Variants in NRXN3 observed in about 807,000 individuals in gnomAD.
NRXN3 encodes neurexin 3, also known as neurexin III.
Under a neutral mutation model 137.6 loss-of-function variants are expected in NRXN3, and 32 were observed. The observed-to-expected ratio is 0.23, with a 90% CI of 0.18 to 0.31. The LOEUF (loss-of-function observed/expected upper bound fraction) is 0.31. NRXN3 is among the 10% of genes least tolerant of loss of function. The probability of loss-of-function intolerance (pLI) is 1.00; values close to 1 mark genes in which losing one functional copy is unlikely to be tolerated. For synonymous variants in NRXN3, 798 were observed against 784.5 expected (o/e 1.02, Z -0.29); for missense variants, 1,574 against 2,062.5 (o/e 0.76, Z 4.59).
At chr14:79,713,045 C>G (rs7142484) in intron 19 of NRXN3, among the ~76,000 whole-genome samples, 47,862 of 151,754 alleles carry the variant, frequency 0.32, 7,969 homozygotes, top group Middle Eastern at 0.41. Context: ...GGACTTGTAT[C>G]TTGGAAATTA....
At chr14:79,007,378 G>A (rs551833365) in intron 15 of NRXN3, among the ~76,000 whole-genome samples, 1 of 151,770 alleles carries the variant, frequency 6.6e-6, no homozygotes, top group South Asian at 2.1e-4. Context: ...TTGAAGAGAA[G>A]CCTCATGTGT....
chr14:79,811,606 G>A (rs190622997), intron 20 of NRXN3, among the ~76,000 whole-genome samples: 4 of 132,576 alleles, frequency 3.0e-5, no homozygotes, highest in East Asian at 2.2e-4. Flanking sequence ...TTTTGAGATG[G>A]AGTGTCACTC....
At chr14:79,429,868 A>G (rs1043663709) in intron 15 of NRXN3, among the ~76,000 whole-genome samples, 3 of 152,200 alleles carry the variant, frequency 2.0e-5, no homozygotes, top group South Asian at 2.1e-4. Context: ...CTTGTATACA[A>G]TATCTTTGGA....
At position 79,718,394 on chromosome 14, in the gene NRXN3, G is replaced by C. The variant is rs947025807; in HGVS notation, c.4014+20457G>C. On this transcript the variant is annotated intron_variant, in intron 19 of 20. Coordinates refer to ENST00000335750, the MANE Select transcript of NRXN3 (RefSeq NM_001330195.2). ...AACAGACAGGGCCTGTTTGGCTGTG[G>C]AAAGCAGTTTAGGTTTTATAAAAGT... Among the ~76,000 whole-genome samples the C allele has an allele frequency of 3.3e-5, 5 of 152,196 alleles. No homozygotes were observed. The East Asian group carries it at 9.6e-4, about 29-fold the overall frequency.
chr14:79,402,564 A>G (rs1469467369), intron 15 of NRXN3, among the ~76,000 whole-genome samples: 2 of 152,180 alleles, frequency 1.3e-5, no homozygotes, highest in African/African-American at 2.4e-5. Flanking sequence ...TGTAAATGCA[A>G]TTTTACACCA....
chr14:79,246,821 A>C (rs573428215), intron 15 of NRXN3: 7 of 151,820 alleles, frequency 4.6e-5, no homozygotes, highest in Non-Finnish European at 8.8e-5. Flanking sequence ...CTGTCCATGA[A>C]AATTATTAGC....
intron 15 of NRXN3, among the ~76,000 whole-genome samples, chr14:79,268,994 A>G (rs2078879139): frequency 6.6e-6 from 1 of 151,974 alleles, no homozygotes; most frequent in South Asian, 2.1e-4. Flanking sequence ...TGTTGTGGTT[A>G]TTAACTCTCT....
At chr14:79,792,794 T>C (rs2099149350) in intron 19 of NRXN3, among the ~76,000 whole-genome samples, 1 of 152,222 alleles carries the variant, frequency 6.6e-6, no homozygotes, top group Non-Finnish European at 1.5e-5. Flanking sequence ...TTAAAGCCAA[T>C]GCGAGCAAAG....
chr14:79,709,400 T>TCAGA (rs961309387), intron 19 of NRXN3, among the ~76,000 whole-genome samples: 2 of 152,164 alleles, frequency 1.3e-5, no homozygotes, highest in African/African-American at 4.8e-5. Flanking sequence ...CTGTATCCCA[T>TCAGA]CAGACAATGC....
intron 15 of NRXN3, among the ~76,000 whole-genome samples, chr14:79,052,572 G>T (rs559955185): frequency 6.6e-5 from 10 of 152,230 alleles, no homozygotes; most frequent in Non-Finnish European, 1.5e-4. Flanking sequence ...CAGTGTTAGA[G>T]ATGATCTTTG....
chr14:79,768,460 T>G (rs1431047641), intron 19 of NRXN3, among the ~76,000 whole-genome samples: 1 of 152,184 alleles, frequency 6.6e-6, no homozygotes, highest in Non-Finnish European at 1.5e-5. Flanking sequence ...AGTGGGTCCC[T>G]GACCCCTGAC....
rs549282784 is a variant in NRXN3 at position 79,186,064 on chromosome 14, A to G, written c.3262+197923A>G. 2.6e-5 allele frequency among the ~76,000 whole-genome samples: 4 copies of G among 152,266 alleles called. 1 individual carries two copies. In the South Asian group the frequency reaches 8.3e-4, roughly 32 times the overall value. On this transcript the variant is annotated intron_variant, in intron 15 of 20. Transcript: ENST00000335750. ...CTCAGTGTGGAGATGTTCATGGTAC[A>G]TATCTCATAGGGTTTCTGAGTGGAT... is the stretch of plus-strand genomic sequence containing the variant.
intron 15 of NRXN3, among the ~76,000 whole-genome samples, chr14:79,296,460 AC>A (rs200892982): frequency 5.9e-5 from 9 of 151,778 alleles, no homozygotes; most frequent in South Asian, 2.1e-4. Context: ...AAAAAAAAAA[AC>A]CAGATGTTCC....
intron 4 of NRXN3, among the ~76,000 whole-genome samples, chr14:78,466,190 A>G (rs1199211617): frequency 6.6e-6 from 1 of 152,142 alleles, no homozygotes; most frequent in African/African-American, 2.4e-5. Flanking sequence ...CAAACAGACA[A>G]ACAACAACAA....
At chr14:79,707,630 T>C (rs545281685) in intron 19 of NRXN3, among the ~76,000 whole-genome samples, 5 of 152,196 alleles carry the variant, frequency 3.3e-5, no homozygotes, top group Admixed American at 6.5e-5. Context: ...TATAATCTGG[T>C]CTCAGCTGAT....
Position 78,794,933 on chromosome 14 carries a change from CAAACAA to C in NRXN3, c.2045-8683_2045-8678del, listed in dbSNP as rs1209969291. On this transcript the variant is annotated intron_variant, in intron 8 of 20. Coordinates refer to ENST00000335750, the MANE Select transcript of NRXN3 (RefSeq NM_001330195.2). ...TTACAAAAACAAACAAACAAACAAACAAACAAAAAAAAAAGTAGCCAGGTGTGGTGG... is the reference window on the plus strand; with the variant it reads ...TTACAAAAACAAACAAACAAACAAACAAAAAAAAGTAGCCAGGTGTGGTGG... Among the ~76,000 whole-genome samples the C allele has an allele frequency of 1.3e-4, 3 of 23,414 alleles. No individual in the cohort carries two copies. In the East Asian group the frequency reaches 6.1e-3, roughly 48 times the overall value. The allele number at this position is 23,414 out of a possible 152,430, so 15.4% of individuals were successfully genotyped here.
intron 19 of NRXN3, among the ~76,000 whole-genome samples, chr14:79,758,718 A>C (rs1324276332): frequency 6.6e-6 from 1 of 152,210 alleles, no homozygotes; most frequent in East Asian, 1.9e-4. Flanking sequence ...CCAAAATCCA[A>C]AGAGAACCAG....
intron 15 of NRXN3, among the ~76,000 whole-genome samples, chr14:79,126,876 G>A (rs1464183540): frequency 6.6e-6 from 1 of 152,116 alleles, no homozygotes; most frequent in East Asian, 1.9e-4. Flanking sequence ...TGTAACTGGT[G>A]TGAGATGGTA....
chr14:78,873,735 G>A (rs544728677), intron 10 of NRXN3, among the ~76,000 whole-genome samples: 2 of 152,260 alleles, frequency 1.3e-5, no homozygotes, highest in African/African-American at 4.8e-5. Context: ...GTGATCAGTG[G>A]TCTAGCAGCA....
Sources: allele counts gnomAD v4.1 joint callset (sites outside exome capture counted in the v4.1 genomes callset), GRCh38; gene constraint gnomAD v4.1.1; transcripts MANE v1.5; gene names NCBI Gene and HGNC (gene_info 2026-07-23, HGNC 2026-07-21).